PDE4B: variants seen among roughly 807,000 people sequenced by gnomAD.
PDE4B encodes 3',5'-cyclic-AMP phosphodiesterase 4B.
PDE4B carries 20 observed loss-of-function variants against 82.2 expected under a neutral mutation model. That is an observed-to-expected ratio of 0.24 (90% CI 0.17 to 0.35). The LOEUF is 0.35. Ranked by LOEUF, PDE4B falls within the 10% of genes least tolerant of loss-of-function variation. The pLI, the probability that PDE4B is intolerant of heterozygous loss-of-function variation, is 1.00. For synonymous variants in PDE4B, 320 were observed against 318.9 expected (o/e 1.00, Z -0.04); for missense variants, 655 against 907.2 (o/e 0.72, Z 3.57).
chr1:65,826,546 C>T (rs1168350487), intron 1 of PDE4B, among the ~76,000 whole-genome samples: 1 of 152,078 alleles, frequency 6.6e-6, no homozygotes, highest in Non-Finnish European at 1.5e-5. Context: ...CTCTATAGTG[C>T]TAGCTGGGGG....
At chr1:66,044,233 T>A (rs1654559444) in intron 3 of PDE4B, among the ~76,000 whole-genome samples, 1 of 151,742 alleles carries the variant, frequency 6.6e-6, no homozygotes. Flanking sequence ...CTGCTTTCTA[T>A]TTTGAGGTGT....
intron 3 of PDE4B, among the ~76,000 whole-genome samples, chr1:66,229,676 A>C (rs749326517): frequency 1.1e-4 from 17 of 152,156 alleles, no homozygotes; most frequent in Non-Finnish European, 1.9e-4. Flanking sequence ...TAATGATAGA[A>C]TCTCGGGCCT....
chr1:65,927,987 T>C (rs1647601816), intron 3 of PDE4B, among the ~76,000 whole-genome samples: 2 of 152,190 alleles, frequency 1.3e-5, no homozygotes, highest in South Asian at 4.1e-4. Context: ...CTGCTTTAAC[T>C]GGAGGACCAC....
At chr1:65,949,940 G>A (rs949008746) in intron 3 of PDE4B, among the ~76,000 whole-genome samples, 7 of 151,988 alleles carry the variant, frequency 4.6e-5, no homozygotes, top group African/African-American at 2.4e-5. Flanking sequence ...CTAAGTTTGT[G>A]TAAGAGACCT....
intron 4 of PDE4B, among the ~76,000 whole-genome samples, chr1:66,252,460 C>T (rs989334380): frequency 6.6e-6 from 1 of 152,136 alleles, no homozygotes; most frequent in African/African-American, 2.4e-5. Flanking sequence ...ACCTAACCTA[C>T]CTTAAATGTG....
intron 3 of PDE4B, among the ~76,000 whole-genome samples, chr1:66,125,053 A>ATT (rs769935733): frequency 5.3e-5 from 7 of 132,248 alleles, no homozygotes; most frequent in African/African-American, 1.4e-4. Flanking sequence ...TTACCTTACT[A>ATT]TTTTTTTTTT....
intron 8 of PDE4B, among the ~76,000 whole-genome samples, chr1:66,350,309 T>A (rs781416002): frequency 5.3e-5 from 8 of 152,184 alleles, no homozygotes; most frequent in Non-Finnish European, 8.8e-5. Flanking sequence ...GTCTCACAGC[T>A]GGGCTCCTGC....
At chr1:66,184,522 C>A (rs1271967017) in intron 3 of PDE4B, among the ~76,000 whole-genome samples, 1 of 152,124 alleles carries the variant, frequency 6.6e-6, no homozygotes, top group East Asian at 1.9e-4. Flanking sequence ...ACAGGTAGTT[C>A]TGGATGGAAG....
intron 3 of PDE4B, among the ~76,000 whole-genome samples, chr1:65,980,863 A>G (rs990819067): frequency 3.9e-5 from 6 of 152,200 alleles, no homozygotes; most frequent in African/African-American, 1.4e-4. Flanking sequence ...AAATTTAAAA[A>G]GATTAAAAAA....
intron 3 of PDE4B, among the ~76,000 whole-genome samples, chr1:66,141,654 C>T (rs1646174756): frequency 6.6e-6 from 1 of 151,942 alleles, no homozygotes; most frequent in African/African-American, 2.4e-5. Context: ...GAAGAGTATA[C>T]ATACAATACT....
chr1:66,164,050 T>C (rs970522621), intron 3 of PDE4B, among the ~76,000 whole-genome samples: 2 of 152,224 alleles, frequency 1.3e-5, no homozygotes, highest in African/African-American at 4.8e-5. Flanking sequence ...ATAGACTTTT[T>C]CCATTATTTC....
At chr1:65,980,625 T>C (rs1467261121) in intron 3 of PDE4B, among the ~76,000 whole-genome samples, 1 of 152,176 alleles carries the variant, frequency 6.6e-6, no homozygotes, top group East Asian at 1.9e-4. Flanking sequence ...AGATAAAATT[T>C]TCCTTGGCTT....
At chr1:65,934,000 A>G (rs1039485270) in intron 3 of PDE4B, among the ~76,000 whole-genome samples, 2 of 152,214 alleles carry the variant, frequency 1.3e-5, no homozygotes, top group African/African-American at 4.8e-5. Context: ...AGTGTAGAGA[A>G]ATTGAATGTA....
intron 3 of PDE4B, among the ~76,000 whole-genome samples, chr1:66,059,016 C>T (rs1332628688): frequency 6.6e-6 from 1 of 152,224 alleles, no homozygotes; most frequent in Non-Finnish European, 1.5e-5. Context: ...AACTGAATGC[C>T]TTTAATGGCA....
chr1:65,823,465 G>A (rs1239078635), intron 1 of PDE4B, among the ~76,000 whole-genome samples: 1 of 150,592 alleles, frequency 6.6e-6, no homozygotes, highest in Non-Finnish European at 1.5e-5. Flanking sequence ...GGTTGAGAGT[G>A]ACTGTCTTTA....
intron 3 of PDE4B, among the ~76,000 whole-genome samples, chr1:66,181,460 G>A (rs1219384855): frequency 6.6e-6 from 1 of 152,044 alleles, no homozygotes; most frequent in Non-Finnish European, 1.5e-5. Context: ...TAATTTAGAG[G>A]AATACATATC....
intron 7 of PDE4B, chr1:66,266,835 G>C (rs1056234986): frequency 2.6e-6 from 1 of 389,346 alleles, no homozygotes; most frequent in African/African-American, 2.1e-5. Flanking sequence ...TCCTAAATCT[G>C]TTCCCTACTA....
intron 3 of PDE4B, among the ~76,000 whole-genome samples, chr1:66,134,080 G>C (rs929872560): frequency 1.3e-5 from 2 of 151,420 alleles, no homozygotes; most frequent in Non-Finnish European, 2.9e-5. Flanking sequence ...TGCCCTTAAA[G>C]AGTGGAATCT....
At chr1:66,317,346 A>G (rs1659095846) in intron 7 of PDE4B, among the ~76,000 whole-genome samples, 1 of 152,112 alleles carries the variant, frequency 6.6e-6, no homozygotes, top group African/African-American at 2.4e-5. Flanking sequence ...TGCTGCACCA[A>G]ACCCTACCCC....
Sources: allele counts gnomAD v4.1 joint callset (sites outside exome capture counted in the v4.1 genomes callset), GRCh38; gene constraint gnomAD v4.1.1; transcripts MANE v1.5; gene names NCBI Gene and HGNC (gene_info 2026-07-23, HGNC 2026-07-21).